The following OPCML variants were observed in gnomAD, a reference collection of about 807,000 sequenced individuals.
OPCML encodes the protein opioid binding protein/cell adhesion molecule like.
In OPCML, 13 loss-of-function variants were observed where a neutral mutation model predicts 37.8. The ratio of observed to expected loss-of-function variants is 0.34; its 90% confidence interval spans 0.22 to 0.55. The LOEUF (loss-of-function observed/expected upper bound fraction) is 0.55. Ranked by LOEUF, OPCML falls within the 20% of genes least tolerant of loss-of-function variation. The pLI, the probability that OPCML is intolerant of heterozygous loss-of-function variation, is 0.91. For missense variants in OPCML, 341 were observed against 435.6 expected (o/e 0.78, Z 1.93); for synonymous variants, 176 against 168.8 (o/e 1.04, Z -0.33).
intron 2 of OPCML, among the ~76,000 whole-genome samples, chr11:132,749,747 C>T (rs563198269): frequency 3.9e-5 from 6 of 152,036 alleles, no homozygotes; most frequent in South Asian, 4.2e-4. Flanking sequence ...GAGAATTCAG[C>T]GAAATAAAAA....
At chr11:132,551,706 T>C (rs946408452) in intron 3 of OPCML, among the ~76,000 whole-genome samples, 2 of 152,110 alleles carry the variant, frequency 1.3e-5, no homozygotes, top group African/African-American at 2.4e-5. Flanking sequence ...TCCCTATGAT[T>C]TCATCTTCGA....
At chr11:133,054,262 G>A (rs112607217) in intron 1 of OPCML, among the ~76,000 whole-genome samples, 4 of 152,202 alleles carry the variant, frequency 2.6e-5, no homozygotes, top group African/African-American at 9.6e-5. Context: ...CAAAACCTCT[G>A]GTGGCTTTCT....
intron 1 of OPCML, among the ~76,000 whole-genome samples, chr11:133,519,572 GA>G (rs202229557): frequency 1.1e-4 from 16 of 152,186 alleles, no homozygotes; most frequent in Non-Finnish European, 1.9e-4. Flanking sequence ...TTTACCAGGG[GA>G]AAAAAAGCTA....
At chr11:132,538,675 T>G (rs1350371323) in intron 3 of OPCML, among the ~76,000 whole-genome samples, 1 of 152,154 alleles carries the variant, frequency 6.6e-6, no homozygotes, top group Non-Finnish European at 1.5e-5. Flanking sequence ...TCTCAGAAAA[T>G]ATTCTTTTCA....
chr11:132,619,614 C>T (rs1053361885), intron 3 of OPCML, among the ~76,000 whole-genome samples: 2 of 149,722 alleles, frequency 1.3e-5, no homozygotes, highest in African/African-American at 4.9e-5. Flanking sequence ...CCGAGGCAGA[C>T]GGATCACGAG....
chr11:133,156,508 G>A (rs1950064672), intron 1 of OPCML, among the ~76,000 whole-genome samples: 1 of 152,144 alleles, frequency 6.6e-6, no homozygotes, highest in Non-Finnish European at 1.5e-5. Context: ...ATCTCTATTT[G>A]CTCCTCTCAT....
At chr11:132,984,648 C>T (rs750144773) in intron 1 of OPCML, among the ~76,000 whole-genome samples, 6 of 152,150 alleles carry the variant, frequency 3.9e-5, no homozygotes, top group Non-Finnish European at 5.9e-5. Context: ...TGTGTACTTC[C>T]TCCCAACCTC....
chr11:132,922,920 T>G (rs771324282), intron 2 of OPCML, among the ~76,000 whole-genome samples: 1 of 151,686 alleles, frequency 6.6e-6, no homozygotes, highest in African/African-American at 2.4e-5. Context: ...TTTTGTTTTT[T>G]GTTTTTTTTT....
intron 2 of OPCML, among the ~76,000 whole-genome samples, chr11:132,708,674 A>G (rs895708970): frequency 6.6e-6 from 1 of 152,304 alleles, no homozygotes; most frequent in African/African-American, 2.4e-5. Context: ...GATTAATATG[A>G]TCTTTGCTCC....
intron 2 of OPCML, among the ~76,000 whole-genome samples, chr11:132,929,661 C>A (rs758212435): frequency 5.9e-5 from 9 of 152,104 alleles, no homozygotes; most frequent in African/African-American, 2.2e-4. Flanking sequence ...ATGCAAAAAT[C>A]TTTCACAAAA....
At chr11:133,507,723 C>T (rs1345026528) in intron 1 of OPCML, among the ~76,000 whole-genome samples, 1 of 151,908 alleles carries the variant, frequency 6.6e-6, no homozygotes, top group East Asian at 1.9e-4. Flanking sequence ...GGCGGGCGGA[C>T]CACCTGAGGT....
intron 2 of OPCML, among the ~76,000 whole-genome samples, chr11:132,722,852 A>T (rs1944724273): frequency 6.6e-6 from 1 of 152,190 alleles, no homozygotes; most frequent in Admixed American, 6.5e-5. Flanking sequence ...CAGTGTCACT[A>T]AAGTGTCATC....
intron 2 of OPCML, chr11:132,772,326 C>T (rs1442269267): frequency 2.0e-5 from 3 of 152,226 alleles, no homozygotes; most frequent in Non-Finnish European, 4.4e-5. Context: ...AAAAATCACA[C>T]ACCAAAATGG....
In OPCML at chr11:132,436,909, C is replaced by T. The variant is rs573662156; in HGVS notation, c.644-130G>A. Reference sequence around the variant, plus strand: ...TGGATTTCTTGTGACAACCCTCTTTCCCAGTAAAATAATCATTTATTTCAG... The same window carrying T: ...TGGATTTCTTGTGACAACCCTCTTTTCCAGTAAAATAATCATTTATTTCAG... On this transcript the variant is annotated intron_variant, in intron 5 of 7. Transcript: ENST00000524381. 2.2e-5 allele frequency: 32 copies of T among 1,458,740 alleles called. No homozygotes were observed. The East Asian group carries it at 6.2e-4, about 28-fold the overall frequency. 90.4% of individuals were successfully genotyped at this position (1,458,740 alleles called of 1,614,324 possible).
chr11:132,844,973 TTTG>T (rs1294003024), intron 2 of OPCML, among the ~76,000 whole-genome samples: 2 of 151,114 alleles, frequency 1.3e-5, no homozygotes, highest in African/African-American at 4.9e-5. Flanking sequence ...CTATTTTTTT[TTTG>T]TTTTTGTTTT....
intron 1 of OPCML, among the ~76,000 whole-genome samples, chr11:132,949,990 G>A (rs1179676442): frequency 2.0e-5 from 3 of 152,118 alleles, no homozygotes; most frequent in Admixed American, 6.5e-5. Context: ...CTGACTGATC[G>A]GCTGAGTGAA....
At chr11:132,623,776 TA>T (rs1223578944) in intron 3 of OPCML, among the ~76,000 whole-genome samples, 1 of 152,154 alleles carries the variant, frequency 6.6e-6, no homozygotes, top group African/African-American at 2.4e-5. Context: ...ATGATGACAG[TA>T]AAAATACATT....
chr11:133,045,612 G>A (rs1397699222), intron 1 of OPCML, among the ~76,000 whole-genome samples: 1 of 152,204 alleles, frequency 6.6e-6, no homozygotes, highest in Non-Finnish European at 1.5e-5. Context: ...CCGCTGGAAA[G>A]CTCTGCCCTG....
chr11:132,998,626 T>G (rs1339253169), intron 1 of OPCML, among the ~76,000 whole-genome samples: 2 of 152,154 alleles, frequency 1.3e-5, no homozygotes, highest in Non-Finnish European at 2.9e-5. Context: ...GCTCTGAATG[T>G]TTGTGACCCT....
Sources: gnomAD v4.1 joint callset for allele counts (sites outside exome capture counted in the v4.1 genomes callset) on GRCh38, gnomAD v4.1.1 for gene constraint, MANE v1.5 for transcripts, NCBI Gene and HGNC (gene_info 2026-07-23, HGNC 2026-07-21) for gene names.